NKAIN3: variants seen among roughly 807,000 people sequenced by gnomAD.
NKAIN3 encodes sodium/potassium transporting ATPase interacting 3, also known as sodium/potassium-transporting ATPase subunit beta-1-interacting protein 3.
A neutral mutation model predicts 30.2 loss-of-function variants in NKAIN3; 25 were observed. That is an observed-to-expected ratio of 0.83 (90% CI 0.60 to 1.16). The LOEUF (loss-of-function observed/expected upper bound fraction) is 1.16. Among genes scored for constraint, NKAIN3 ranks in the 50% most tolerant of loss-of-function variants. The probability of loss-of-function intolerance (pLI) is 0.00; values close to 1 mark genes in which losing one functional copy is unlikely to be tolerated. For missense variants in NKAIN3, 225 were observed against 254.1 expected (o/e 0.89, Z 0.78); for synonymous variants, 91 against 89.6 (o/e 1.02, Z -0.09).
At chr8:62,798,559 G>A (rs1817945389) in intron 4 of NKAIN3, among the ~76,000 whole-genome samples, 1 of 148,200 alleles carries the variant, frequency 6.7e-6, no homozygotes, top group Admixed American at 6.7e-5. Context: ...GTGACAGAGT[G>A]AGACTCCGTC....
In NKAIN3 at chr8:62,601,958, T is replaced by C. The variant is rs150905300; in HGVS notation, c.273+12164T>C. On this transcript the variant is annotated intron_variant, in intron 3 of 6. Coordinates refer to ENST00000623646, the MANE Select transcript of NKAIN3 (RefSeq NM_001304533.3). The stretch of plus-strand genomic sequence containing the variant: ...AGATAATTTGATTCCTCCTGTAGCT[T>C]TTCTACAATAAAGAAAATCACAAGC... Among the ~76,000 whole-genome samples, 777 of 152,200 alleles carry C rather than the reference T, an allele frequency of 5.1e-3. 8 individuals carry two copies. Among genetic ancestry groups the C allele is most frequent in the African/African-American group, 0.016 (654 of 41,568 alleles).
At chr8:62,366,474 C>T (rs1816744732) in intron 1 of NKAIN3, among the ~76,000 whole-genome samples, 1 of 152,170 alleles carries the variant, frequency 6.6e-6, no homozygotes, top group Non-Finnish European at 1.5e-5. Context: ...TGATCAGCTG[C>T]CTCAGCCTCC....
In NKAIN3 at chr8:62,969,258, A is replaced by T. The variant is rs934228143; in HGVS notation, c.*3851A>T. On this transcript the variant is annotated 3_prime_UTR_variant, in exon 7 of 7. Transcript: ENST00000623646. ...CAAGAGGCTGGCTCTAACAAAATAT[A>T]CCAAGGCTGTCATCTGTCTCACTTA... 1.3e-5 allele frequency among the ~76,000 whole-genome samples: 2 copies of T among 152,186 alleles called. No homozygotes were observed. Among genetic ancestry groups the T allele is most frequent in the African/African-American group, 4.8e-5 (2 of 41,446 alleles).
At chr8:62,332,011 A>G (rs1815374463) in intron 1 of NKAIN3, among the ~76,000 whole-genome samples, 1 of 152,170 alleles carries the variant, frequency 6.6e-6, no homozygotes, top group South Asian at 2.1e-4. Context: ...GGAACAATTA[A>G]GGAATTATTT....
intron 6 of NKAIN3, among the ~76,000 whole-genome samples, chr8:62,954,950 G>GA: frequency 6.6e-6 from 1 of 152,146 alleles, no homozygotes; most frequent in African/African-American, 2.4e-5. Flanking sequence ...TTTCAGCTCA[G>GA]TGTTCTGTAA....
intron 1 of NKAIN3, among the ~76,000 whole-genome samples, chr8:62,257,605 A>G (rs1812303781): frequency 6.6e-6 from 1 of 152,194 alleles, no homozygotes; most frequent in Non-Finnish European, 1.5e-5. Context: ...TTACCAAAAT[A>G]GAATTATTTC....
chr8:62,939,061 A>G (rs11994966), intron 5 of NKAIN3, among the ~76,000 whole-genome samples: 3,548 of 152,284 alleles, frequency 0.023, 59 homozygotes, highest in South Asian at 0.034. Context: ...TTTTAAAACA[A>G]TCACAATTTC....
At chr8:62,831,982 A>G (rs571699807) in intron 4 of NKAIN3, among the ~76,000 whole-genome samples, 2 of 152,116 alleles carry the variant, frequency 1.3e-5, no homozygotes, top group African/African-American at 4.8e-5. Flanking sequence ...ATATCAGACC[A>G]TGTACAAAGA....
At chr8:62,903,129 A>G (rs1169317123) in intron 4 of NKAIN3, among the ~76,000 whole-genome samples, 1 of 152,198 alleles carries the variant, frequency 6.6e-6, no homozygotes, top group South Asian at 2.1e-4. Flanking sequence ...CAGAGCTTGA[A>G]TAAATGTGAT....
intron 3 of NKAIN3, among the ~76,000 whole-genome samples, chr8:62,667,402 C>T (rs1217662207): frequency 7.1e-6 from 1 of 139,972 alleles, no homozygotes; most frequent in Non-Finnish European, 1.5e-5. Flanking sequence ...AAGAAATTCC[C>T]ACTCATTGCT....
At chr8:62,812,454 G>A (rs1818520301) in intron 4 of NKAIN3, among the ~76,000 whole-genome samples, 1 of 151,622 alleles carries the variant, frequency 6.6e-6, no homozygotes, top group East Asian at 1.9e-4. Context: ...GTCTTCCAAT[G>A]GCATGTATGT....
At chr8:62,354,695 G>A (rs1367173660) in intron 1 of NKAIN3, among the ~76,000 whole-genome samples, 14 of 152,094 alleles carry the variant, frequency 9.2e-5, no homozygotes, top group African/African-American at 2.9e-4. Context: ...AACCTGCCTC[G>A]GCCTTCCAAA....
intron 4 of NKAIN3, among the ~76,000 whole-genome samples, chr8:62,904,890 G>C (rs1821731968): frequency 6.6e-6 from 1 of 152,170 alleles, no homozygotes; most frequent in African/African-American, 2.4e-5. Flanking sequence ...CAAGGAGTAT[G>C]ATGATGTGTC....
intron 1 of NKAIN3, among the ~76,000 whole-genome samples, chr8:62,485,268 T>A (rs1806863046): frequency 6.6e-6 from 1 of 152,158 alleles, no homozygotes; most frequent in African/African-American, 2.4e-5. Context: ...GTGAGGTAAA[T>A]GTTCTTAAGA....
At chr8:62,633,007 G>A (rs997661403) in intron 3 of NKAIN3, among the ~76,000 whole-genome samples, 4 of 152,092 alleles carry the variant, frequency 2.6e-5, no homozygotes, top group Non-Finnish European at 4.4e-5. Context: ...GCACAGCAGG[G>A]TGGATCAATG....
At chr8:62,662,152 G>C (rs963521744) in intron 3 of NKAIN3, among the ~76,000 whole-genome samples, 1 of 152,054 alleles carries the variant, frequency 6.6e-6, no homozygotes, top group African/African-American at 2.4e-5. Context: ...GATCTCTTCT[G>C]TGCTGCACGA....
chr8:62,506,697 A>C (rs924204991), intron 1 of NKAIN3, among the ~76,000 whole-genome samples: 2 of 150,338 alleles, frequency 1.3e-5, no homozygotes, highest in African/African-American at 4.9e-5. Flanking sequence ...CTGGTCTCGA[A>C]CTCCTGACCT....
intron 5 of NKAIN3, among the ~76,000 whole-genome samples, chr8:62,940,665 A>G (rs7820188): frequency 0.69 from 105,477 of 152,032 alleles, 37,464 homozygotes; most frequent in African/African-American, 0.85. Context: ...GCTCCTGAAT[A>G]ATTGCTGGGT....
At chr8:62,805,609 C>T (rs1818250549) in intron 4 of NKAIN3, among the ~76,000 whole-genome samples, 1 of 152,126 alleles carries the variant, frequency 6.6e-6, no homozygotes, top group Non-Finnish European at 1.5e-5. Context: ...ATGTAGAAAG[C>T]TGAAACTGGA....
Sources: allele counts gnomAD v4.1 joint callset (sites outside exome capture counted in the v4.1 genomes callset), GRCh38; gene constraint gnomAD v4.1.1; transcripts MANE v1.5; gene names NCBI Gene and HGNC (gene_info 2026-07-23, HGNC 2026-07-21).